The following PAFAH1B1 variants were observed in gnomAD, a reference collection of about 807,000 sequenced individuals.
PAFAH1B1 encodes the protein platelet-activating factor acetylhydrolase IB subunit beta.
In PAFAH1B1, 2 loss-of-function variants were observed where a neutral mutation model predicts 57.5. The observed-to-expected ratio is 0.03, with a 90% CI of 0.01 to 0.11. The LOEUF (loss-of-function observed/expected upper bound fraction) is 0.11. Among genes scored for constraint, PAFAH1B1 ranks in the 10% least tolerant of loss-of-function variants. The pLI is 1.00. For missense variants in PAFAH1B1, 257 were observed against 512.0 expected (o/e 0.50, Z 4.81); for synonymous variants, 152 against 169.6 (o/e 0.90, Z 0.81).
intron 2 of PAFAH1B1, among the ~76,000 whole-genome samples, chr17:2,659,677 T>TA (rs1157971218): frequency 1.5e-3 from 206 of 138,280 alleles, no homozygotes; most frequent in African/African-American, 4.7e-3. Flanking sequence ...CTAAAAATAT[T>TA]AAAAAAAAAA....
chr17:2,607,025 C>T (rs1279989599), intron 1 of PAFAH1B1, among the ~76,000 whole-genome samples: 1 of 151,456 alleles, frequency 6.6e-6, no homozygotes, highest in African/African-American at 2.4e-5. Context: ...GGGGTTTCAC[C>T]ATGTTAGCTA....
chr17:2,607,874 G>A (rs917732602), intron 1 of PAFAH1B1, among the ~76,000 whole-genome samples: 7 of 151,846 alleles, frequency 4.6e-5, no homozygotes, highest in Non-Finnish European at 1.0e-4. Context: ...ATAGCCCTTC[G>A]TTCCATATTT....
chr17:2,616,833 G>A (rs1475397387), intron 1 of PAFAH1B1, among the ~76,000 whole-genome samples: 15 of 152,038 alleles, frequency 9.9e-5, no homozygotes, highest in Admixed American at 9.8e-4. Context: ...GGAGGCCGAG[G>A]CGAACAGATC....
chr17:2,594,150 C>G, intron 1 of PAFAH1B1, 144 bp downstream of exon 1: 1 of 395,050 alleles, frequency 2.5e-6, no homozygotes, highest in Admixed American at 4.4e-5. Context: ...GCCGCCGCCT[C>G]CTCCTTCTTC....
intron 2 of PAFAH1B1, among the ~76,000 whole-genome samples, chr17:2,645,750 G>T (rs1016513942): frequency 6.6e-6 from 1 of 151,312 alleles, no homozygotes; most frequent in Admixed American, 6.6e-5. Flanking sequence ...GACTACAGGC[G>T]CATGCCACCA....
At chr17:2,655,995 C>T (rs1282377157) in intron 2 of PAFAH1B1, among the ~76,000 whole-genome samples, 1 of 152,052 alleles carries the variant, frequency 6.6e-6, no homozygotes. Context: ...ACGATCTCGG[C>T]TCACTGCAAC....
At chr17:2,636,334 A>C (rs1377762241) in intron 1 of PAFAH1B1, among the ~76,000 whole-genome samples, 2 of 152,190 alleles carry the variant, frequency 1.3e-5, no homozygotes, top group African/African-American at 4.8e-5. Context: ...AAGGATTATA[A>C]AATAAATTCC....
At chr17:2,609,801 C>T (rs1436075351) in intron 1 of PAFAH1B1, among the ~76,000 whole-genome samples, 1 of 151,910 alleles carries the variant, frequency 6.6e-6, no homozygotes, top group Non-Finnish European at 1.5e-5. Flanking sequence ...TGAGCCACCG[C>T]GCCCGGCTGA....
chr17:2,594,484 C>T (rs2151604269), intron 1 of PAFAH1B1, among the ~76,000 whole-genome samples: 1 of 152,316 alleles, frequency 6.6e-6, no homozygotes, highest in South Asian at 2.1e-4. Flanking sequence ...CCTCAGTTAT[C>T]GGCTCGGGGA....
intron 1 of PAFAH1B1, among the ~76,000 whole-genome samples, chr17:2,624,603 C>G (rs1159245514): frequency 6.6e-6 from 1 of 152,154 alleles, no homozygotes; most frequent in Non-Finnish European, 1.5e-5. Context: ...ACTATCGCAA[C>G]AATAGCACAG....
intron 2 of PAFAH1B1, chr17:2,642,275 C>A (rs1010367720): frequency 1.3e-5 from 2 of 152,194 alleles, no homozygotes; most frequent in African/African-American, 2.4e-5. Context: ...ATCCAAAATG[C>A]TTCAAAATCT....
chr17:2,638,803 C>T (rs916834162), intron 2 of PAFAH1B1, among the ~76,000 whole-genome samples: 3 of 150,626 alleles, frequency 2.0e-5, no homozygotes, highest in Admixed American at 1.3e-4. Context: ...CCACTTTGCC[C>T]GGCCGTGATA....
At chr17:2,626,195 A>G (rs2068486755) in intron 1 of PAFAH1B1, among the ~76,000 whole-genome samples, 2 of 152,006 alleles carry the variant, frequency 1.3e-5, no homozygotes, top group South Asian at 4.2e-4. Flanking sequence ...CAGAGGTTGC[A>G]GTAAGCCGAG....
Position 2,638,195 on chromosome 17 carries a change from T to A in PAFAH1B1, c.-94T>A. 1 of 925,278 alleles carries A rather than the reference T, an allele frequency of 1.1e-6. No homozygotes were observed. Among genetic ancestry groups the A allele is most frequent in the Non-Finnish European group, 1.7e-6 (1 of 574,072 alleles). The allele number at this position is 925,278 out of a possible 1,614,324, so 57.3% of individuals were successfully genotyped here. On this transcript the variant is annotated 5_prime_UTR_variant, in exon 2 of 11. Transcript: ENST00000397195. ...CCTGTGTGGAAGACACTTAGTGGCA[T>A]ATTTAAATTATAAGTCCACGGATCA...
chr17:2,598,181 G>A (rs2068104879), intron 1 of PAFAH1B1, among the ~76,000 whole-genome samples: 2 of 152,012 alleles, frequency 1.3e-5, no homozygotes. Context: ...CCCGGGAGGT[G>A]GAGGTTGCAA....
At chr17:2,679,567 T>G (rs1179011458) in intron 9 of PAFAH1B1, 1 of 147,508 alleles carries the variant, frequency 6.8e-6, no homozygotes, top group African/African-American at 2.5e-5. Context: ...GATGGATGAT[T>G]AGATGGATGA....
At chr17:2,631,307 G>T (rs1159316769) in intron 1 of PAFAH1B1, among the ~76,000 whole-genome samples, 1 of 152,114 alleles carries the variant, frequency 6.6e-6, no homozygotes, top group Non-Finnish European at 1.5e-5. Context: ...TCCCAGCGGT[G>T]AAAGAAAAGG....
At chr17:2,663,379 T>C (rs1226364660) in intron 2 of PAFAH1B1, among the ~76,000 whole-genome samples, 1 of 152,082 alleles carries the variant, frequency 6.6e-6, no homozygotes, top group Non-Finnish European at 1.5e-5. Context: ...TTGTGGGTTT[T>C]TGTTTTGTTT....
At chr17:2,643,554 CTT>C (rs34038838) in intron 2 of PAFAH1B1, among the ~76,000 whole-genome samples, 18 of 146,046 alleles carry the variant, frequency 1.2e-4, no homozygotes, top group Admixed American at 4.8e-4. Flanking sequence ...ACACACCTGG[CTT>C]TTTTTTTTTT....
Sources: gnomAD v4.1 joint callset for allele counts (sites outside exome capture counted in the v4.1 genomes callset) on GRCh38, gnomAD v4.1.1 for gene constraint, MANE v1.5 for transcripts, NCBI Gene and HGNC (gene_info 2026-07-23, HGNC 2026-07-21) for gene names.